SYNDIG1: variants seen among roughly 807,000 people sequenced by gnomAD.
SYNDIG1 encodes synapse differentiation-inducing gene protein 1.
Under a neutral mutation model 19.4 loss-of-function variants are expected in SYNDIG1, and 9 were observed. The ratio of observed to expected loss-of-function variants is 0.46; its 90% CI spans 0.28 to 0.81. The LOEUF (loss-of-function observed/expected upper bound fraction) is 0.81, where lower values mean the gene tolerates loss of function less well. Among genes scored for constraint, SYNDIG1 ranks in the 30% least tolerant of loss-of-function variants. The pLI is 0.12. For synonymous variants in SYNDIG1, 141 were observed against 145.9 expected (o/e 0.97, Z 0.24); for missense variants, 311 against 343.3 (o/e 0.91, Z 0.74).
intron 1 of SYNDIG1, among the ~76,000 whole-genome samples, chr20:24,513,685 A>G (rs1225553912): frequency 2.0e-5 from 3 of 152,162 alleles, no homozygotes; most frequent in Non-Finnish European, 4.4e-5. Flanking sequence ...AATGGAACCA[A>G]GTTGGAAAAC....
chr20:24,590,679 G>T (rs1275152049), intron 3 of SYNDIG1, among the ~76,000 whole-genome samples: 1 of 152,126 alleles, frequency 6.6e-6, no homozygotes, highest in African/African-American at 2.4e-5. Context: ...TCCTGCAGCC[G>T]GATAGGCAGC....
At chr20:24,486,300 G>A (rs150511296) in intron 1 of SYNDIG1, among the ~76,000 whole-genome samples, 2 of 152,362 alleles carry the variant, frequency 1.3e-5, no homozygotes, top group East Asian at 3.9e-4. Context: ...GGGCTGGGGA[G>A]CCAGGTGGAG....
At chr20:24,511,490 G>A (rs141868909) in intron 1 of SYNDIG1, among the ~76,000 whole-genome samples, 373 of 152,182 alleles carry the variant, frequency 2.5e-3, no homozygotes, top group Middle Eastern at 0.01. Context: ...GTTTTCACTG[G>A]ATACGTTATT....
chr20:24,504,216 C>T (rs1177151990), intron 1 of SYNDIG1, among the ~76,000 whole-genome samples: 2 of 152,174 alleles, frequency 1.3e-5, no homozygotes, highest in Non-Finnish European at 2.9e-5. Context: ...CCTCGGCCTC[C>T]CAAAGTGCTG....
chr20:24,486,691 G>A (rs1445003100), intron 1 of SYNDIG1, among the ~76,000 whole-genome samples: 4 of 147,904 alleles, frequency 2.7e-5, no homozygotes, highest in Non-Finnish European at 4.5e-5. Flanking sequence ...ATGGAGTCTC[G>A]CTCTGTCACC....
chr20:24,589,766 G>A (rs572519475), intron 3 of SYNDIG1, among the ~76,000 whole-genome samples: 1 of 152,206 alleles, frequency 6.6e-6, no homozygotes, highest in Non-Finnish European at 1.5e-5. Context: ...TGAGAAAAGG[G>A]TATTAGGAAG....
intron 3 of SYNDIG1, among the ~76,000 whole-genome samples, chr20:24,626,369 G>A (rs867492611): frequency 2.6e-5 from 4 of 151,748 alleles, no homozygotes; most frequent in African/African-American, 9.7e-5. Context: ...CAGGACGGCC[G>A]GGCAGAGACG....
intron 2 of SYNDIG1, among the ~76,000 whole-genome samples, chr20:24,555,482 C>T (rs1600611541): frequency 6.6e-6 from 1 of 152,090 alleles, no homozygotes; most frequent in East Asian, 1.9e-4. Flanking sequence ...TTGAATGTGT[C>T]CCAGAGACTC....
chr20:24,495,970 G>T (rs903189068), intron 1 of SYNDIG1, among the ~76,000 whole-genome samples: 74 of 152,030 alleles, frequency 4.9e-4, no homozygotes, highest in Admixed American at 1.3e-3. Flanking sequence ...TCAGCCTCCC[G>T]AGTAGCTGGG....
intron 1 of SYNDIG1, among the ~76,000 whole-genome samples, chr20:24,508,214 G>A (rs2056645402): frequency 7.5e-6 from 1 of 133,430 alleles, no homozygotes; most frequent in South Asian, 2.4e-4. Flanking sequence ...AATTAAGGAG[G>A]ATAATTTTTT....
intron 3 of SYNDIG1, among the ~76,000 whole-genome samples, chr20:24,651,022 G>A (rs755423175): frequency 1.4e-4 from 22 of 152,114 alleles, no homozygotes; most frequent in Non-Finnish European, 1.0e-4. Context: ...ATTTTCAGTA[G>A]AGATGGAGTT....
At chr20:24,556,234 A>G (rs913873519) in intron 2 of SYNDIG1, among the ~76,000 whole-genome samples, 2 of 152,146 alleles carry the variant, frequency 1.3e-5, no homozygotes, top group African/African-American at 4.8e-5. Flanking sequence ...AATACAGCAC[A>G]CTGATGGGTC....
intron 1 of SYNDIG1, among the ~76,000 whole-genome samples, chr20:24,489,529 A>G (rs1196860985): frequency 2.6e-5 from 4 of 152,070 alleles, no homozygotes; most frequent in Non-Finnish European, 5.9e-5. Flanking sequence ...ACACACGTAC[A>G]CATGCATGCA....
chr20:24,513,999 C>T (rs1046560853), intron 1 of SYNDIG1, among the ~76,000 whole-genome samples: 1 of 152,130 alleles, frequency 6.6e-6, no homozygotes, highest in African/African-American at 2.4e-5. Context: ...AATTTTCAAC[C>T]CAGAATTTCA....
At chr20:24,618,502 A>G (rs2058984716) in intron 3 of SYNDIG1, among the ~76,000 whole-genome samples, 1 of 152,156 alleles carries the variant, frequency 6.6e-6, no homozygotes, top group African/African-American at 2.4e-5. Context: ...GACCAGACAA[A>G]TTATGTCCCG....
At chr20:24,479,701 C>G (rs2055741707) in intron 1 of SYNDIG1, among the ~76,000 whole-genome samples, 1 of 152,238 alleles carries the variant, frequency 6.6e-6, no homozygotes, top group African/African-American at 2.4e-5. Context: ...CATCTCAGTA[C>G]CGTCCTGCAA....
At chr20:24,657,932 A>C (rs2059544900) in intron 3 of SYNDIG1, among the ~76,000 whole-genome samples, 1 of 152,210 alleles carries the variant, frequency 6.6e-6, no homozygotes, top group Non-Finnish European at 1.5e-5. Context: ...ACATTTCCAG[A>C]TAAATAGTTC....
intron 1 of SYNDIG1, among the ~76,000 whole-genome samples, chr20:24,492,326 C>A (rs2056178532): frequency 6.6e-6 from 1 of 152,172 alleles, no homozygotes; most frequent in Admixed American, 6.5e-5. Context: ...TAAGGGGTGG[C>A]TAGGAGATGA....
chr20:24,614,324 G>A (rs1237926736), intron 3 of SYNDIG1, among the ~76,000 whole-genome samples: 1 of 152,176 alleles, frequency 6.6e-6, no homozygotes, highest in African/African-American at 2.4e-5. Context: ...ATATTAATGT[G>A]CATGATTAGA....
Sources: allele counts gnomAD v4.1 joint callset (sites outside exome capture counted in the v4.1 genomes callset), GRCh38; gene constraint gnomAD v4.1.1; transcripts MANE v1.5; gene names NCBI Gene and HGNC (gene_info 2026-07-23, HGNC 2026-07-21).